NTM: variants seen among roughly 807,000 people sequenced by gnomAD.
NTM encodes IgLON family member 2.
In NTM, 13 loss-of-function variants were observed where a neutral mutation model predicts 42.1. The observed-to-expected ratio is 0.31, with a 90% CI of 0.20 to 0.49. NTM has a LOEUF of 0.49. Among genes scored for constraint, NTM ranks in the 20% least tolerant of loss-of-function variants. The pLI is 0.99. For synonymous variants in NTM, 187 were observed against 179.2 expected (o/e 1.04, Z -0.35); for missense variants, 373 against 452.8 (o/e 0.82, Z 1.60).
Position 131,500,577 on chromosome 11 carries a change from ATTTTTTT to A in NTM, c.82+129701_82+129707del, listed in dbSNP as rs71475759. ...TATATATATATATATATATATATAT[ATTTTTTT>A]TTTTTTTTTTTGTATTATACTTTAA... is the stretch of plus-strand genomic sequence containing the variant. On this transcript the variant is annotated intron_variant, in intron 1 of 8. Transcript: ENST00000683400. Among the ~76,000 whole-genome samples the A allele has an allele frequency of 8.2e-3, 628 of 76,178 alleles. 16 individuals carry two copies. Among genetic ancestry groups the A allele is most frequent in the African/African-American group, 0.049 (597 of 12,266 alleles). The allele number at this position is 76,178 out of a possible 152,430, so 50.0% of individuals were successfully genotyped here.
chr11:131,512,718 C>T (rs916849792), intron 1 of NTM, among the ~76,000 whole-genome samples: 2 of 152,152 alleles, frequency 1.3e-5, no homozygotes, highest in Admixed American at 6.5e-5. Flanking sequence ...CATGTGCTGG[C>T]TGGGCCACGG....
chr11:132,104,585 C>CCA (rs537802359), intron 2 of NTM, among the ~76,000 whole-genome samples: 178 of 138,852 alleles, frequency 1.3e-3, no homozygotes, highest in African/African-American at 4.7e-3. Flanking sequence ...GACCCCCCCC[C>CCA]ACCAAAAATA....
chr11:131,398,957 C>G (rs867020166), intron 1 of NTM, among the ~76,000 whole-genome samples: 1 of 152,208 alleles, frequency 6.6e-6, no homozygotes, highest in Middle Eastern at 3.4e-3. Context: ...GAAAAAATTA[C>G]AATAAAAACT....
chr11:132,314,554 T>G lies in NTM; in HGVS notation c.785T>G (p.Leu262Arg). The G allele has an allele frequency of 6.2e-7, 1 of 1,611,566 alleles. No homozygotes were observed. Among genetic ancestry groups the G allele is most frequent in the South Asian group, 1.1e-5 (1 of 90,402 alleles). Residue 262 changes from leucine to arginine, a missense_variant and splice_region_variant, in exon 7 of 9, where the codon CTG becomes CGG. Leu to Arg is a moderately radical substitution (Grantham distance 102). Transcript: ENST00000683400. ...EFQWYKDDKR[L>R]IEGKKGVKVE... Reference sequence around the variant, plus strand: ...TTTTTGTCTTTTGTTTCTCTCAGACTGATTGAAGGAAAGAAAGGGGTGAAA... The same window carrying G: ...TTTTTGTCTTTTGTTTCTCTCAGACGGATTGAAGGAAAGAAAGGGGTGAAA...
chr11:131,449,972 C>T (rs1392647143), intron 1 of NTM, among the ~76,000 whole-genome samples: 4 of 152,106 alleles, frequency 2.6e-5, no homozygotes, highest in African/African-American at 9.7e-5. Context: ...ATTAGGAGAC[C>T]TGGAATCTGA....
intron 2 of NTM, among the ~76,000 whole-genome samples, chr11:131,944,123 GA>G (rs1479901888): frequency 1.3e-5 from 2 of 152,158 alleles, no homozygotes; most frequent in Non-Finnish European, 2.9e-5. Context: ...ATGTGACACT[GA>G]TATGCTTTTG....
chr11:131,462,875 T>TTCTCACTAGAGCA (rs1951533287), intron 1 of NTM, among the ~76,000 whole-genome samples: 1 of 133,722 alleles, frequency 7.5e-6, no homozygotes, highest in African/African-American at 3.6e-5. Context: ...TGGTCCACCA[T>TTCTCACTAGAGCA]GGCTTGTGCC....
At chr11:131,395,344 C>T (rs1025830323) in intron 1 of NTM, among the ~76,000 whole-genome samples, 2 of 152,310 alleles carry the variant, frequency 1.3e-5, no homozygotes, top group Non-Finnish European at 2.9e-5. Context: ...AGACATAAAA[C>T]ATTTAGAAAA....
At chr11:131,683,076 A>G (rs2134872015) in intron 1 of NTM, among the ~76,000 whole-genome samples, 1 of 152,274 alleles carries the variant, frequency 6.6e-6, no homozygotes, top group Middle Eastern at 3.4e-3. Context: ...ACCCACAGTC[A>G]TCTGCACAGC....
chr11:132,178,116 T>C (rs2137985815), intron 3 of NTM, among the ~76,000 whole-genome samples: 1 of 152,326 alleles, frequency 6.6e-6, no homozygotes, highest in Non-Finnish European at 1.5e-5. Context: ...CACAAGCTGA[T>C]AGACGTCTTA....
At chr11:132,038,683 T>C (rs541134823) in intron 2 of NTM, among the ~76,000 whole-genome samples, 2,087 of 152,330 alleles carry the variant, frequency 0.014, 14 homozygotes, top group Non-Finnish European at 0.022. Context: ...CCAGCACGCT[T>C]CCCTGTGGGC....
At chr11:131,689,879 G>A (rs1040251281) in intron 1 of NTM, among the ~76,000 whole-genome samples, 8 of 152,294 alleles carry the variant, frequency 5.3e-5, no homozygotes, top group Middle Eastern at 6.8e-3. Context: ...ATTACTGGTC[G>A]TATACCTATT....
At position 131,649,363 on chromosome 11, in the gene NTM, A is replaced by G. The variant is rs1046243443; in HGVS notation, c.83-262201A>G. Reference sequence around the variant, plus strand: ...CAGAATGCAGTGTCTGTTTATGCATATCGGGGAGGGAGTATGGGAATAAGT... The same window carrying G: ...CAGAATGCAGTGTCTGTTTATGCATGTCGGGGAGGGAGTATGGGAATAAGT... On this transcript the variant is annotated intron_variant, in intron 1 of 8. Transcript: ENST00000683400. 3.3e-5 allele frequency among the ~76,000 whole-genome samples: 5 copies of G among 152,322 alleles called. No homozygotes were observed. The East Asian group carries it at 9.6e-4, about 29-fold the overall frequency.
intron 1 of NTM, among the ~76,000 whole-genome samples, chr11:131,652,943 C>T (rs1049058105): frequency 6.6e-6 from 1 of 152,206 alleles, no homozygotes; most frequent in East Asian, 1.9e-4. Flanking sequence ...CTTTACCGCC[C>T]TGCCAGATTG....
At chr11:131,488,297 C>T (rs1032481207) in intron 1 of NTM, among the ~76,000 whole-genome samples, 1 of 152,212 alleles carries the variant, frequency 6.6e-6, no homozygotes, top group African/African-American at 2.4e-5. Flanking sequence ...CTGCATTCAG[C>T]TCGGAGCTCA....
intron 1 of NTM, among the ~76,000 whole-genome samples, chr11:131,498,466 C>T (rs766031715): frequency 1.3e-5 from 2 of 152,170 alleles, no homozygotes; most frequent in African/African-American, 2.4e-5. Flanking sequence ...GAAGTTTCTT[C>T]TGAATCCTGC....
At chr11:132,004,632 T>TCACACA (rs1487790529) in intron 2 of NTM, among the ~76,000 whole-genome samples, 5 of 143,174 alleles carry the variant, frequency 3.5e-5, no homozygotes, top group African/African-American at 1.0e-4. Flanking sequence ...TCTCTCTCTC[T>TCACACA]CTCACACACA....
chr11:132,315,077 T>G, intron 7 of NTM: 3 of 1,021,864 alleles, frequency 2.9e-6, no homozygotes, highest in Non-Finnish European at 3.5e-6. Context: ...AAAATGACAT[T>G]TGATTTTTTT....
At chr11:132,294,408 A>G (rs2094547990) in intron 4 of NTM, among the ~76,000 whole-genome samples, 1 of 152,014 alleles carries the variant, frequency 6.6e-6, no homozygotes, top group Non-Finnish European at 1.5e-5. Context: ...CAAGTCTTAG[A>G]GTGGAAATTC....
Sources: allele counts gnomAD v4.1 joint callset (sites outside exome capture counted in the v4.1 genomes callset), GRCh38; gene constraint gnomAD v4.1.1; transcripts MANE v1.5; gene names NCBI Gene and HGNC (gene_info 2026-07-23, HGNC 2026-07-21).